Variants in ANKRD24 observed in about 807,000 individuals in gnomAD.
ANKRD24 encodes the protein ankyrin repeat domain 24.
In ANKRD24, 109 loss-of-function variants were observed where a neutral mutation model predicts 127.8. The ratio of observed to expected loss-of-function variants is 0.85; its 90% CI spans 0.73 to 1.00. ANKRD24 has a LOEUF of 1.00. Ranked by LOEUF, ANKRD24 falls within the 50% of genes least tolerant of loss-of-function variation. ANKRD24 has a pLI of 0.00. For missense variants in ANKRD24, 1,648 were observed against 1,570.2 expected (o/e 1.05, Z -0.84); for synonymous variants, 743 against 671.1 (o/e 1.11, Z -1.66).
chr19:4,221,872 A>G (rs1345614112), intron 19 of ANKRD24, among the ~76,000 whole-genome samples: 2 of 152,164 alleles, frequency 1.3e-5, no homozygotes, highest in Non-Finnish European at 2.9e-5. Context: ...GGGACTGAGC[A>G]GCGTCCTTGA....
In ANKRD24 at chr19:4,198,161, G is replaced by A; in HGVS notation, c.37-1522G>A. The A allele has an allele frequency of 5.3e-6, 3 of 561,388 alleles. No homozygotes were observed. The highest frequency in any genetic ancestry group is 3.3e-5 in the Admixed American group (1 of 30,666). 34.8% of individuals were successfully genotyped at this position (561,388 alleles called of 1,614,324 possible). A position where few individuals can be genotyped will look rare whatever the true frequency, so the allele number is the denominator to read the frequency against. On this transcript the variant is annotated intron_variant, in intron 2 of 21. Transcript: ENST00000318934. The surrounding 1 kb of genome is among the most constrained non-coding windows in gnomAD (Gnocchi z 6.1). ...GGAGATGCAGCCGGCGGCCTGCGCTGGTGAGGGAGCCGGGCCCCCGGCGCC... is the reference window on the plus strand; with the variant it reads ...GGAGATGCAGCCGGCGGCCTGCGCTAGTGAGGGAGCCGGGCCCCCGGCGCC...
At chr19:4,218,890 C>A (rs1431205860) in intron 18 of ANKRD24, among the ~76,000 whole-genome samples, 1 of 151,936 alleles carries the variant, frequency 6.6e-6, no homozygotes, top group Non-Finnish European at 1.5e-5. Flanking sequence ...ACCTCAGCCT[C>A]CCAAGTAGCT....
chr19:4,194,435 G>A (rs1968581547), intron 2 of ANKRD24, among the ~76,000 whole-genome samples: 1 of 152,118 alleles, frequency 6.6e-6, no homozygotes, highest in Admixed American at 6.6e-5. Flanking sequence ...TTGTAGGCGT[G>A]AACCACCGCA....
In ANKRD24 at chr19:4,202,865, C is replaced by G; in HGVS notation, c.409-4C>G. On this transcript the variant is annotated splice_region_variant and splice_polypyrimidine_tract_variant and intron_variant, in intron 6 of 21. Coordinates refer to ENST00000318934, the MANE Select transcript of ANKRD24 (RefSeq NM_001393985.1). The stretch of plus-strand genomic sequence containing the variant: ...CCGCCTCAAAGGACTCGCCCCATCC[C>G]CAGGCTTCCTGCGTGGTGGACGTCG... 6.3e-7 allele frequency: 1 copy of G among 1,587,992 alleles called. No individual in the cohort carries two copies. Among genetic ancestry groups the G allele is most frequent in the Non-Finnish European group, 8.6e-7 (1 of 1,167,396 alleles).
intron 17 of ANKRD24, 57 bp downstream of exon 17, chr19:4,216,459 C>A: frequency 1.3e-6 from 2 of 1,555,008 alleles, no homozygotes; most frequent in South Asian, 2.4e-5. Context: ...TCCCTGAGGT[C>A]AGGGTGGGCA....
chr19:4,217,737 G>A lies in ANKRD24; in HGVS notation c.2577G>A (p.Thr859=), dbSNP rs528875608. ...ELEVLREQLA[T]ARATGEQQRT... ...AGGTTCTGCGGGAGCAGCTGGCCAC[G>A]GCCAGGGCCACGGGGGAGCAGCAGC... Residue 859 remains threonine, a synonymous_variant, in exon 18 of 22, where the codon ACG becomes ACA. Transcript: ENST00000318934. 8.2e-5 allele frequency: 106 copies of A among 1,294,654 alleles called. No individual in the cohort carries two copies. In the African/African-American group the frequency reaches 1.6e-3, roughly 19 times the overall value. The allele number at this position is 1,294,654 out of a possible 1,614,324, so 80.2% of individuals were successfully genotyped here. A position where few individuals can be genotyped will look rare whatever the true frequency, so the allele number is the denominator to read the frequency against.
chr19:4,216,966 A>G lies in ANKRD24; in HGVS notation c.1806A>G (p.Thr602=). 1 of 1,612,536 alleles carries G rather than the reference A, an allele frequency of 6.2e-7. No individual in the cohort carries two copies. Among genetic ancestry groups the G allele is most frequent in the East Asian group, 2.2e-5 (1 of 44,864 alleles). The change falls in exon 18 of 22, where the codon ACA becomes ACG. Residue 602 remains threonine, a synonymous_variant. Coordinates refer to ENST00000318934, the MANE Select transcript of ANKRD24 (RefSeq NM_001393985.1). The stretch of plus-strand genomic sequence containing the variant: ...CCAAGGTCACAGAAACAAAACCCAC[A>G]GGGGCTGAGGTCAGAGAAATGGAGA... ...TGAKVTETKP[T]GAEVREMETT...
At position 4,216,226 on chromosome 19, in the gene ANKRD24, C is replaced by A. The variant is rs1005343517; in HGVS notation, c.1271-58C>A. 6.7e-6 allele frequency: 10 copies of A among 1,499,048 alleles called. No homozygotes were observed. The Admixed American group carries it at 1.2e-4, about 18-fold the overall frequency. The allele number at this position is 1,499,048 out of a possible 1,614,324, so 92.9% of individuals were successfully genotyped here. On this transcript the variant is annotated intron_variant, in intron 16 of 21. Coordinates refer to ENST00000318934, the MANE Select transcript of ANKRD24 (RefSeq NM_001393985.1). ...ACCCTGATCCACCACTCCAGCCCCC[C>A]ACCTCCTGTCCCCCTGTGGCCCAGG... is the stretch of plus-strand genomic sequence containing the variant.
In ANKRD24 at chr19:4,217,910, C is replaced by T. The variant is rs1970209291; in HGVS notation, c.2750C>T (p.Ser917Phe). The change falls in exon 18 of 22, where the codon TCT becomes TTT. Residue 917 changes from serine (S) to phenylalanine (F), a missense_variant. Coordinates refer to ENST00000318934, the MANE Select transcript of ANKRD24 (RefSeq NM_001393985.1). ...CTCCGCCAGTCCGTGGTGCCGGCCT[C>T]TGAGCACCGCCGGCTGCAGGAGGAG... ...EALRQSVVPA[S>F]EHRRLQEEAL... The T allele has an allele frequency of 6.1e-6, 9 of 1,486,686 alleles. No homozygotes were observed. Among genetic ancestry groups the T allele is most frequent in the Non-Finnish European group, 8.0e-6 (9 of 1,125,832 alleles). The allele number at this position is 1,486,686 out of a possible 1,614,324, so 92.1% of individuals were successfully genotyped here. A position where few individuals can be genotyped will look rare whatever the true frequency, so the allele number is the denominator to read the frequency against.
In ANKRD24 at chr19:4,216,097, G is replaced by T. The variant is rs772174477; in HGVS notation, c.1270+47G>T. 3.9e-6 allele frequency: 6 copies of T among 1,541,632 alleles called. No individual in the cohort carries two copies. In the South Asian group the frequency reaches 7.1e-5, roughly 18 times the overall value. ...CACTCCCAGCCGCCTTGTCCCCTGGGGCCCTGGAAGACGGAGCCTCTGGGT... is the reference window on the plus strand; with the variant it reads ...CACTCCCAGCCGCCTTGTCCCCTGGTGCCCTGGAAGACGGAGCCTCTGGGT... On this transcript the variant is annotated intron_variant, in intron 16 of 21. Transcript: ENST00000318934.
intron 13 of ANKRD24, among the ~76,000 whole-genome samples, chr19:4,211,006 T>A (rs1969707102): frequency 6.6e-6 from 1 of 151,846 alleles, no homozygotes; most frequent in Admixed American, 6.6e-5. Context: ...GCTAGTTTTG[T>A]ATTTTTAGTA....
At chr19:4,192,701 T>C (rs1968453165) in intron 2 of ANKRD24, among the ~76,000 whole-genome samples, 1 of 150,898 alleles carries the variant, frequency 6.6e-6, no homozygotes, top group Admixed American at 6.6e-5. Flanking sequence ...GAGATCAAGA[T>C]GGGAGGATCA....
intron 7 of ANKRD24, 129 bp from the exon 8 acceptor site, chr19:4,207,111 CAG>C (rs1969432159): frequency 2.0e-6 from 1 of 506,586 alleles, no homozygotes; most frequent in Non-Finnish European, 3.4e-6. Context: ...TTTGTAGAGA[CAG>C]GGTCTCACTG....
Position 4,218,066 on chromosome 19 carries a change from G to A in ANKRD24, c.2906G>A (p.Arg969His). 2.6e-6 allele frequency: 4 copies of A among 1,556,682 alleles called. No individual in the cohort carries two copies. The highest frequency in any genetic ancestry group is 2.5e-5 in the East Asian group (1 of 40,236). ...VCSVALSEHE[R>H]IVGTLQANVA... ...AGCGTGGCGCTCTCGGAGCACGAAC[G>A]CATCGTGGGCACCCTGCAGGCCAAC... Residue 969 changes from arginine (R) to histidine (H), a missense_variant, in exon 18 of 22, where the codon CGC becomes CAC. Coordinates refer to ENST00000318934, the MANE Select transcript of ANKRD24 (RefSeq NM_001393985.1).
chr19:4,218,222 T>A, intron 18 of ANKRD24, 59 bp downstream of exon 18: 2 of 1,387,268 alleles, frequency 1.4e-6, no homozygotes, highest in Non-Finnish European at 1.9e-6. Flanking sequence ...GCGGCCTGTT[T>A]TAGCCCCGCA....
At chr19:4,222,621 C>T (rs756601609) in intron 19 of ANKRD24, 49 bp from the exon 20 acceptor site, 2 of 1,525,770 alleles carry the variant, frequency 1.3e-6, no homozygotes, top group East Asian at 2.3e-5. Flanking sequence ...AGGTCCTCAG[C>T]CCCCAGCTCT....
chr19:4,203,450 G>C (rs191874968), intron 7 of ANKRD24, among the ~76,000 whole-genome samples: 42 of 151,494 alleles, frequency 2.8e-4, no homozygotes, highest in Non-Finnish European at 4.9e-4. Context: ...GGGTTCAAAC[G>C]ATCCTCCTGC....
intron 1 of ANKRD24, chr19:4,183,442 C>G (rs576114115): frequency 1.3e-6 from 1 of 752,906 alleles, no homozygotes; most frequent in African/African-American, 1.9e-5. Flanking sequence ...CCATCTATGC[C>G]CTGGTGGCTG....
At position 4,198,065 on chromosome 19, in the gene ANKRD24, G is replaced by T. The variant is rs1599413493; in HGVS notation, c.37-1618G>T. On this transcript the variant is annotated intron_variant, in intron 2 of 21. Coordinates refer to ENST00000318934, the MANE Select transcript of ANKRD24 (RefSeq NM_001393985.1). The surrounding 1 kb of genome is among the most constrained non-coding windows in gnomAD (Gnocchi z 6.1). ...GTGGAGGTGCGAGGCTGCGGACGTC[G>T]CGGGCCCGGAGGCACCTGCGCGCCC... is the stretch of plus-strand genomic sequence containing the variant. The T allele has an allele frequency of 2.4e-6, 1 of 418,140 alleles. No homozygotes were observed. The highest frequency in any genetic ancestry group is 3.6e-5 in the East Asian group (1 of 28,050). The allele number at this position is 418,140 out of a possible 1,614,324, so 25.9% of individuals were successfully genotyped here. A position where few individuals can be genotyped will look rare whatever the true frequency, so the allele number is the denominator to read the frequency against.
Sources: allele counts gnomAD v4.1 joint callset (sites outside exome capture counted in the v4.1 genomes callset), GRCh38; gene constraint gnomAD v4.1.1; non-coding constraint Gnocchi (gnomAD v3.1); transcripts MANE v1.5; gene names NCBI Gene and HGNC (gene_info 2026-07-23, HGNC 2026-07-21).